Variants in THEMIS observed in about 807,000 individuals in gnomAD.
The protein encoded by THEMIS is thymocyte selection associated.
In THEMIS, 37 loss-of-function variants were observed where a neutral mutation model predicts 52.6. The observed-to-expected ratio is 0.70, with a 90% CI of 0.54 to 0.93. The LOEUF is 0.93. THEMIS is among the 40% of genes least tolerant of loss of function. The pLI is 0.00. For missense variants in THEMIS, 808 were observed against 763.1 expected (o/e 1.06, Z -0.69); for synonymous variants, 292 against 272.7 (o/e 1.07, Z -0.70).
downstream of THEMIS, among the ~76,000 whole-genome samples, chr6:127,707,741 C>G (rs1205054037): frequency 6.6e-6 from 1 of 152,072 alleles, no homozygotes; most frequent in Non-Finnish European, 1.5e-5. Flanking sequence ...CAACTTGAAC[C>G]AAGAACCTTT....
At chr6:127,747,786 T>C (rs1775501062) in intron 4 of THEMIS, among the ~76,000 whole-genome samples, 1 of 152,086 alleles carries the variant, frequency 6.6e-6, no homozygotes, top group Non-Finnish European at 1.5e-5. Flanking sequence ...CCAAAGGATA[T>C]TTAACTGACA....
chr6:127,843,381 A>C (rs1356657031), intron 2 of THEMIS, among the ~76,000 whole-genome samples: 1 of 151,842 alleles, frequency 6.6e-6, no homozygotes, highest in Non-Finnish European at 1.5e-5. Context: ...TAACGTAGCC[A>C]TTGTGCTGAG....
intron 1 of THEMIS, among the ~76,000 whole-genome samples, chr6:127,878,582 C>T (rs1462093190): frequency 6.6e-6 from 1 of 152,054 alleles, no homozygotes; most frequent in Non-Finnish European, 1.5e-5. Flanking sequence ...CTATGAGTAT[C>T]GACCAAAAAT....
intron 4 of THEMIS, among the ~76,000 whole-genome samples, chr6:127,780,291 C>G (rs1382854759): frequency 6.6e-6 from 1 of 152,118 alleles, no homozygotes; most frequent in Non-Finnish European, 1.5e-5. Flanking sequence ...GCCCATGTGT[C>G]TCTGCACAGG....
At chr6:127,826,966 C>T (rs1226170307) in intron 3 of THEMIS, among the ~76,000 whole-genome samples, 1 of 151,926 alleles carries the variant, frequency 6.6e-6, no homozygotes, top group African/African-American at 2.4e-5. Context: ...CAAATATTCA[C>T]ATTAATAATT....
At chr6:127,835,337 T>C (rs1778840874) in intron 2 of THEMIS, among the ~76,000 whole-genome samples, 1 of 152,136 alleles carries the variant, frequency 6.6e-6, no homozygotes, top group Admixed American at 6.5e-5. Flanking sequence ...GGCTTGACAA[T>C]TCCTATTAGC....
intron 4 of THEMIS, among the ~76,000 whole-genome samples, chr6:127,775,284 G>C (rs544977164): frequency 2.1e-4 from 32 of 152,248 alleles, no homozygotes; most frequent in African/African-American, 7.0e-4. Flanking sequence ...TTCAGTCCAG[G>C]CTATTATAAT....
At chr6:127,906,032 A>T (rs1446713427), upstream of THEMIS, among the ~76,000 whole-genome samples, 1 of 145,956 alleles carries the variant, frequency 6.9e-6, no homozygotes, top group Non-Finnish European at 1.5e-5. Context: ...ATTTAAATGA[A>T]ATAATTTTTA....
intron 1 of THEMIS, among the ~76,000 whole-genome samples, chr6:127,888,723 A>G (rs556432586): frequency 3.8e-4 from 58 of 152,238 alleles, no homozygotes; most frequent in African/African-American, 1.4e-3. Context: ...TTTTAAATCA[A>G]CACCAAAATG....
intron 4 of THEMIS, among the ~76,000 whole-genome samples, chr6:127,787,163 T>C (rs561739817): frequency 2.6e-5 from 4 of 152,334 alleles, no homozygotes; most frequent in Middle Eastern, 3.4e-3. Context: ...GTGATGCTAA[T>C]TGTGGCAAAC....
At chr6:127,862,888 G>A (rs1428066605) in intron 1 of THEMIS, among the ~76,000 whole-genome samples, 2 of 152,100 alleles carry the variant, frequency 1.3e-5, no homozygotes, top group African/African-American at 4.8e-5. Flanking sequence ...TCAACATCGA[G>A]TTCTAGGTGA....
upstream of THEMIS, among the ~76,000 whole-genome samples, chr6:127,904,416 G>C (rs1781217973): frequency 6.6e-6 from 1 of 152,008 alleles, no homozygotes; most frequent in Non-Finnish European, 1.5e-5. Flanking sequence ...CCTGAAGGCT[G>C]CTTCCTAAGA....
At chr6:127,843,670 C>G (rs1021389907) in intron 2 of THEMIS, among the ~76,000 whole-genome samples, 29 of 151,886 alleles carry the variant, frequency 1.9e-4, no homozygotes, top group African/African-American at 6.5e-4. Context: ...TAGTCACACC[C>G]TTGTTCAGTG....
chr6:127,815,743 G>T (rs921940110), intron 3 of THEMIS, among the ~76,000 whole-genome samples: 4 of 152,134 alleles, frequency 2.6e-5, no homozygotes, highest in African/African-American at 9.7e-5. Flanking sequence ...ATCAAAATGA[G>T]CTAGGTTTAA....
intron 4 of THEMIS, among the ~76,000 whole-genome samples, chr6:127,770,778 TC>T (rs1382692132): frequency 6.6e-6 from 1 of 152,222 alleles, no homozygotes; most frequent in Non-Finnish European, 1.5e-5. Flanking sequence ...CTTTAATCCA[TC>T]TTGAATTAAA....
intron 1 of THEMIS, among the ~76,000 whole-genome samples, chr6:127,892,253 A>G (rs540701214): frequency 9.9e-5 from 15 of 152,274 alleles, no homozygotes; most frequent in African/African-American, 3.6e-4. Flanking sequence ...CAAGCTCTTC[A>G]GTAGTTTGCA....
At chr6:127,698,736 T>C in the THEMIS span, among the ~76,000 whole-genome samples, 2 of 151,922 alleles carry the variant, frequency 1.3e-5, no homozygotes, top group African/African-American at 4.8e-5. Flanking sequence ...TCCTAATGGG[T>C]AGAAGTCCCC....
intron 4 of THEMIS, chr6:127,807,391 CA>C: frequency 9.3e-6 from 2 of 213,904 alleles, no homozygotes; most frequent in Non-Finnish European, 1.9e-5. Context: ...ATCTCACAGT[CA>C]AAAAAGCTAA....
At chr6:127,751,359 A>G (rs569517546) in intron 4 of THEMIS, among the ~76,000 whole-genome samples, 1 of 151,846 alleles carries the variant, frequency 6.6e-6, no homozygotes, top group South Asian at 2.1e-4. Flanking sequence ...TTTAGCAGAT[A>G]CACAAAAATA....
Sources: gnomAD v4.1 joint callset for allele counts (sites outside exome capture counted in the v4.1 genomes callset) on GRCh38, gnomAD v4.1.1 for gene constraint, MANE v1.5 for transcripts, NCBI Gene and HGNC (gene_info 2026-07-23, HGNC 2026-07-21) for gene names.